The following PTPRO variants were observed in gnomAD, a reference collection of about 807,000 sequenced individuals.
PTPRO encodes receptor-type tyrosine-protein phosphatase O.
PTPRO carries 62 observed loss-of-function variants against 145.2 expected under a neutral mutation model. The ratio of observed to expected loss-of-function variants is 0.43; its 90% CI spans 0.35 to 0.53. The LOEUF is 0.53. Among genes scored for constraint, PTPRO ranks in the 20% least tolerant of loss-of-function variants. PTPRO has a pLI of 0.01. For synonymous variants in PTPRO, 565 were observed against 514.7 expected, an observed-to-expected ratio of 1.10 and a Z score of -1.32; for missense variants, 1,345 against 1,482.7, an observed-to-expected ratio of 0.91 and a Z score of 1.53.
intron 8 of PTPRO, 107 bp downstream of exon 8, chr12:15,515,725 A>G (rs1942563194): frequency 2.1e-6 from 3 of 1,446,056 alleles, no homozygotes; most frequent in Admixed American, 3.3e-5. Flanking sequence ...GAAGGTCCAT[A>G]TTAGTTCATC....
At position 15,516,925 on chromosome 12, in the gene PTPRO, T is replaced by G; in HGVS notation, c.1748T>G (p.Ile583Arg). Reference protein sequence around the residue: ...MTSEWTTYYEIAATVSLTASV... With the variant: ...MTSEWTTYYERAATVSLTASV... Reference sequence around the variant, plus strand: ...TCAGAGTGGACCACCTACTATGAAATAGCAGCAACTGTTTCCTTAACTGCA... The same window carrying G: ...TCAGAGTGGACCACCTACTATGAAAGAGCAGCAACTGTTTCCTTAACTGCA... The change falls in exon 9 of 27, where the codon ATA (isoleucine) becomes AGA (arginine). Residue 583 changes from isoleucine (I) to arginine (R), a missense_variant. Physicochemically the swap from Ile to Arg is moderately conservative, Grantham distance 97. Coordinates refer to ENST00000281171, the MANE Select transcript of PTPRO (RefSeq NM_030667.3). 2 of 1,613,958 alleles carry G rather than the reference T, an allele frequency of 1.2e-6. No individual in the cohort carries two copies. Among genetic ancestry groups the G allele is most frequent in the Non-Finnish European group, 1.7e-6 (2 of 1,179,804 alleles).
At chr12:15,326,021 T>A (rs1342520939) in intron 1 of PTPRO, among the ~76,000 whole-genome samples, 1 of 152,214 alleles carries the variant, frequency 6.6e-6, no homozygotes, top group East Asian at 1.9e-4. Context: ...TATTTAATTC[T>A]ATAATACATG....
At chr12:15,328,113 CA>C (rs745813599) in intron 1 of PTPRO, among the ~76,000 whole-genome samples, 2,114 of 117,056 alleles carry the variant, frequency 0.018, 25 homozygotes, top group African/African-American at 0.045. Context: ...AAACTTGTCT[CA>C]AAAAAAAAAA....
intron 1 of PTPRO, among the ~76,000 whole-genome samples, chr12:15,339,383 T>C (rs1303137058): frequency 6.6e-6 from 1 of 152,212 alleles, no homozygotes; most frequent in Non-Finnish European, 1.5e-5. Flanking sequence ...CATGAACTTC[T>C]ATTCATAATA....
chr12:15,405,912 G>A (rs1034087144), intron 1 of PTPRO, among the ~76,000 whole-genome samples: 4 of 152,130 alleles, frequency 2.6e-5, no homozygotes, highest in Non-Finnish European at 5.9e-5. Flanking sequence ...GGAGAGAGTT[G>A]TAATACAATA....
At chr12:15,483,641 T>C (rs1465329717) in intron 1 of PTPRO, among the ~76,000 whole-genome samples, 4 of 152,136 alleles carry the variant, frequency 2.6e-5, no homozygotes, top group Non-Finnish European at 4.4e-5. Flanking sequence ...AACTTGAGTG[T>C]CAAAATGACT....
At chr12:15,368,086 C>T (rs1478112812) in intron 1 of PTPRO, among the ~76,000 whole-genome samples, 1 of 152,204 alleles carries the variant, frequency 6.6e-6, no homozygotes, top group Non-Finnish European at 1.5e-5. Context: ...GGAAATGTCA[C>T]TACAATAAGC....
intron 23 of PTPRO, among the ~76,000 whole-genome samples, chr12:15,584,713 T>A (rs1017788795): frequency 6.6e-6 from 1 of 152,200 alleles, no homozygotes; most frequent in African/African-American, 2.4e-5. Flanking sequence ...CATTGTGCTA[T>A]GCTAATTAAT....
chr12:15,343,704 T>C (rs1867089517), intron 1 of PTPRO, among the ~76,000 whole-genome samples: 1 of 152,086 alleles, frequency 6.6e-6, no homozygotes, highest in Non-Finnish European at 1.5e-5. Flanking sequence ...AATATATATA[T>C]ATTTTTTGAG....
At chr12:15,366,275 G>A (rs1354127609) in intron 1 of PTPRO, among the ~76,000 whole-genome samples, 1 of 152,082 alleles carries the variant, frequency 6.6e-6, no homozygotes, top group East Asian at 1.9e-4. Context: ...TACTATAGAA[G>A]CTGTTGTTTG....
chr12:15,468,110 C>G (rs763169695), intron 1 of PTPRO, among the ~76,000 whole-genome samples: 11 of 152,086 alleles, frequency 7.2e-5, no homozygotes, highest in Non-Finnish European at 1.6e-4. Context: ...TAATTTGAAT[C>G]CCAGTTTGGA....
At chr12:15,441,409 A>T (rs1940760740) in intron 1 of PTPRO, among the ~76,000 whole-genome samples, 1 of 152,190 alleles carries the variant, frequency 6.6e-6, no homozygotes, top group Non-Finnish European at 1.5e-5. Context: ...AGTTAGAAAG[A>T]TCTCAAATTA....
chr12:15,324,904 A>G (rs962507559), intron 1 of PTPRO, among the ~76,000 whole-genome samples: 4 of 152,300 alleles, frequency 2.6e-5, no homozygotes, highest in African/African-American at 7.2e-5. Flanking sequence ...ACATGGTATA[A>G]TCTCTTTATA....
chr12:15,383,333 C>CAT (rs56786902), intron 1 of PTPRO, among the ~76,000 whole-genome samples: 15,009 of 152,086 alleles, frequency 0.099, 1,523 homozygotes, highest in African/African-American at 0.27. Flanking sequence ...TATTCCATTG[C>CAT]ATATATATAC....
At chr12:15,344,250 T>A (rs1867116938) in intron 1 of PTPRO, among the ~76,000 whole-genome samples, 1 of 152,188 alleles carries the variant, frequency 6.6e-6, no homozygotes, top group Admixed American at 6.5e-5. Flanking sequence ...TGTGATCACA[T>A]TCATTTTTAG....
At chr12:15,412,869 C>A (rs1308416963) in intron 1 of PTPRO, among the ~76,000 whole-genome samples, 1 of 152,314 alleles carries the variant, frequency 6.6e-6, no homozygotes, top group Middle Eastern at 3.4e-3. Flanking sequence ...TCTCGTCTCA[C>A]TACAAACTTC....
chr12:15,324,570 T>C (rs961643203), intron 1 of PTPRO, among the ~76,000 whole-genome samples: 1 of 152,170 alleles, frequency 6.6e-6, no homozygotes, highest in African/African-American at 2.4e-5. Context: ...ACTGCTTCCA[T>C]AGTAAATACA....
rs1426070106 is a variant in PTPRO at position 15,458,053 on chromosome 12, AT to A, written c.76-25918del. ...TGTAAAGCAGTTCCGGTAGTGGTGAATTTCCTCAGCTTGTGTTTCTTTGGGA... is the reference window on the plus strand; with the variant it reads ...TGTAAAGCAGTTCCGGTAGTGGTGAATTCCTCAGCTTGTGTTTCTTTGGGA... On this transcript the variant is annotated intron_variant, in intron 1 of 26. Transcript: ENST00000281171. Among the ~76,000 whole-genome samples the A allele has an allele frequency of 9.9e-5, 15 of 152,172 alleles. 1 individual carries two copies.
chr12:15,481,934 G>A (rs1941786349), intron 1 of PTPRO, among the ~76,000 whole-genome samples: 1 of 152,068 alleles, frequency 6.6e-6, no homozygotes, highest in South Asian at 2.1e-4. Flanking sequence ...CAGCCATTAT[G>A]GAAAACAGTA....
Sources: gnomAD v4.1 joint callset for allele counts (sites outside exome capture counted in the v4.1 genomes callset) on GRCh38, gnomAD v4.1.1 for gene constraint, MANE v1.5 for transcripts, NCBI Gene and HGNC (gene_info 2026-07-23, HGNC 2026-07-21) for gene names.